WDPCP: variants seen among roughly 807,000 people sequenced by gnomAD.
WDPCP encodes the protein WD repeat containing planar cell polarity effector.
WDPCP carries 71 observed loss-of-function variants against 93.1 expected under a neutral mutation model. The observed-to-expected ratio is 0.76, with a 90% CI of 0.63 to 0.93. The LOEUF (loss-of-function observed/expected upper bound fraction) is 0.93, where lower values mean the gene tolerates loss of function less well. WDPCP is among the 40% of genes least tolerant of loss of function. The probability of loss-of-function intolerance (pLI) is 0.00; values close to 1 mark genes in which losing one functional copy is unlikely to be tolerated. For missense variants in WDPCP, 844 were observed against 887.4 expected (o/e 0.95, Z 0.62); for synonymous variants, 315 against 315.0 (o/e 1.00, Z 0.00).
intron 9 of WDPCP, among the ~76,000 whole-genome samples, chr2:63,406,464 G>A (rs1694594488): frequency 6.6e-6 from 1 of 152,022 alleles, no homozygotes; most frequent in Non-Finnish European, 1.5e-5. Context: ...CTCGATCAGG[G>A]GCATACACTT....
intron 12 of WDPCP, among the ~76,000 whole-genome samples, chr2:63,324,273 A>C (rs1451139210): frequency 1.3e-5 from 2 of 152,122 alleles, no homozygotes; most frequent in Non-Finnish European, 2.9e-5. Flanking sequence ...CCCCAGGAGG[A>C]CCTTTCAGCT....
chr2:63,502,746 T>C (rs1159323701), intron 1 of WDPCP, among the ~76,000 whole-genome samples: 1 of 151,568 alleles, frequency 6.6e-6, no homozygotes, highest in Non-Finnish European at 1.5e-5. Flanking sequence ...CACTAACATA[T>C]ATGAAGAAAA....
At chr2:63,393,592 CA>C (rs555121325) in intron 10 of WDPCP, among the ~76,000 whole-genome samples, 1 of 149,508 alleles carries the variant, frequency 6.7e-6, no homozygotes, top group Non-Finnish European at 1.5e-5. Context: ...CATATGGAAC[CA>C]AAAAAAGAGT....
chr2:63,390,825 C>A (rs1693176337), intron 10 of WDPCP, among the ~76,000 whole-genome samples: 3 of 152,112 alleles, frequency 2.0e-5, no homozygotes, highest in Admixed American at 2.0e-4. Flanking sequence ...ATACACTCTC[C>A]CAAGACTAAA....
intron 9 of WDPCP, among the ~76,000 whole-genome samples, chr2:63,416,200 C>CT (rs70965129): frequency 3.3e-4 from 49 of 147,748 alleles, no homozygotes; most frequent in African/African-American, 5.2e-4. Context: ...CTTTTTTTTC[C>CT]TTTTTTTTTT....
intron 2 of WDPCP, among the ~76,000 whole-genome samples, chr2:63,674,810 A>C (rs1340342379): frequency 1.3e-5 from 2 of 152,172 alleles, no homozygotes; most frequent in Admixed American, 1.3e-4. Context: ...TTGATGACGG[A>C]AAATACTCAA....
chr2:63,487,552 G>A, intron 2 of WDPCP, 58 bp from the exon 3 acceptor site: 2 of 1,294,542 alleles, frequency 1.5e-6, no homozygotes, highest in Non-Finnish European at 2.2e-6. Flanking sequence ...AGAATAAGAA[G>A]CCAAGCCATA....
chr2:63,602,934 C>CTTTTGTT (rs1709452776), intron 3 of WDPCP, among the ~76,000 whole-genome samples: 19 of 131,620 alleles, frequency 1.4e-4, no homozygotes, highest in Admixed American at 2.3e-4. Context: ...TTTAACCGTT[C>CTTTTGTT]TTTTTTTTTT....
At chr2:63,303,397 G>T (rs1318541885) in intron 13 of WDPCP, among the ~76,000 whole-genome samples, 1 of 152,094 alleles carries the variant, frequency 6.6e-6, no homozygotes. Flanking sequence ...TTCTATAATG[G>T]TAGACTGAAT....
At chr2:63,684,320 G>T in intron 2 of WDPCP, 1 of 632,038 alleles carries the variant, frequency 1.6e-6, no homozygotes, top group Non-Finnish European at 3.0e-6. Flanking sequence ...GCAAGTTCAT[G>T]AAACCTGGGA....
intron 2 of WDPCP, among the ~76,000 whole-genome samples, chr2:63,652,123 G>A (rs1213224371): frequency 2.0e-5 from 3 of 152,214 alleles, no homozygotes; most frequent in African/African-American, 7.2e-5. Flanking sequence ...GGCCCTGATG[G>A]TTCCACACAT....
intron 1 of WDPCP, among the ~76,000 whole-genome samples, chr2:63,536,087 A>G (rs1704255896): frequency 6.6e-6 from 1 of 152,274 alleles, no homozygotes; most frequent in African/African-American, 2.4e-5. Context: ...GAAGACATCT[A>G]TGCAGCCAAT....
chr2:63,564,182 A>T (rs939757921), intron 1 of WDPCP: 2 of 152,212 alleles, frequency 1.3e-5, no homozygotes, highest in African/African-American at 2.4e-5. Flanking sequence ...GTGCTTCATT[A>T]TAAGGGTCAA....
At chr2:63,648,556 C>A (rs893872363) in intron 3 of WDPCP, among the ~76,000 whole-genome samples, 9 of 152,276 alleles carry the variant, frequency 5.9e-5, no homozygotes, top group Non-Finnish European at 1.2e-4. Context: ...CAACCTGCAA[C>A]CCCTGATATG....
intron 6 of WDPCP, among the ~76,000 whole-genome samples, chr2:63,455,421 T>G (rs1291628824): frequency 1.4e-5 from 2 of 143,786 alleles, no homozygotes; most frequent in Admixed American, 6.8e-5. Context: ...AAGATATATA[T>G]ATATATATAT....
At chr2:63,798,778 A>G (rs1465710893) in intron 2 of WDPCP, among the ~76,000 whole-genome samples, 1 of 152,146 alleles carries the variant, frequency 6.6e-6, no homozygotes, top group African/African-American at 2.4e-5. Context: ...AAAGACAGAG[A>G]GTGGCTGAAT....
intron 1 of WDPCP, among the ~76,000 whole-genome samples, chr2:63,512,469 T>C (rs1255719421): frequency 1.3e-5 from 2 of 152,140 alleles, no homozygotes. Context: ...CTATTCACAA[T>C]AACAAAGACT....
chr2:63,807,133 A>T (rs1319260710), intron 2 of WDPCP, among the ~76,000 whole-genome samples: 2 of 152,226 alleles, frequency 1.3e-5, no homozygotes, highest in African/African-American at 4.8e-5. Context: ...TTGGGGAACT[A>T]ATAAATGTCC....
chr2:63,331,170 G>A (rs1246310956), intron 12 of WDPCP, among the ~76,000 whole-genome samples: 2 of 152,026 alleles, frequency 1.3e-5, no homozygotes, highest in African/African-American at 2.4e-5. Flanking sequence ...TAAAGCCATC[G>A]GCCATATTTT....
Sources: gnomAD v4.1 joint callset for allele counts (sites outside exome capture counted in the v4.1 genomes callset) on GRCh38, gnomAD v4.1.1 for gene constraint, MANE v1.5 for transcripts, NCBI Gene and HGNC (gene_info 2026-07-23, HGNC 2026-07-21) for gene names.